PREX1: variants seen among roughly 807,000 people sequenced by gnomAD.
The protein encoded by PREX1 is phosphatidylinositol-3,4,5-trisphosphate dependent Rac exchange factor 1.
PREX1 carries 41 observed loss-of-function variants against 198.3 expected under a neutral mutation model. The observed-to-expected ratio is 0.21, with a 90% confidence interval of 0.16 to 0.27. The LOEUF (loss-of-function observed/expected upper bound fraction) is 0.27, where lower values mean the gene tolerates loss of function less well. Ranked by LOEUF, PREX1 falls within the 10% of genes least tolerant of loss-of-function variation. The probability of loss-of-function intolerance (pLI) is 1.00; values close to 1 mark genes in which losing one functional copy is unlikely to be tolerated. For synonymous variants in PREX1, 843 were observed against 887.2 expected, an observed-to-expected ratio of 0.95 and a Z score of 0.89; for missense variants, 1,620 against 2,200.7, an observed-to-expected ratio of 0.74 and a Z score of 5.28.
intron 1 of PREX1, among the ~76,000 whole-genome samples, chr20:48,754,197 T>C (rs954579446): frequency 1.3e-5 from 2 of 152,190 alleles, no homozygotes; most frequent in Admixed American, 6.5e-5. Context: ...TAGGCCTCAT[T>C]ATGTGCAGGT....
intron 1 of PREX1, among the ~76,000 whole-genome samples, chr20:48,762,004 C>A (rs2090182602): frequency 6.6e-6 from 1 of 152,166 alleles, no homozygotes; most frequent in Non-Finnish European, 1.5e-5. Context: ...CCTCAATTTC[C>A]CACCACCCAA....
At chr20:48,836,548 C>A in the PREX1 span, among the ~76,000 whole-genome samples, 1 of 152,188 alleles carries the variant, frequency 6.6e-6, no homozygotes, top group Non-Finnish European at 1.5e-5. Context: ...AGTGCAGTGG[C>A]ACAACCATGG....
chr20:48,822,762 A>G (rs981187719), intron 1 of PREX1, among the ~76,000 whole-genome samples: 44 of 152,186 alleles, frequency 2.9e-4, no homozygotes, highest in African/African-American at 1.1e-3. Context: ...GTCACCTTAT[A>G]CATATAACAC....
intron 37 of PREX1, among the ~76,000 whole-genome samples, chr20:48,629,166 T>C (rs144726731): frequency 3.2e-4 from 49 of 152,270 alleles, no homozygotes; most frequent in Non-Finnish European, 3.1e-4. Context: ...CTATTGTTAA[T>C]GTTGAAGGAG....
intron 11 of PREX1, among the ~76,000 whole-genome samples, chr20:48,680,448 A>G (rs144657765): frequency 6.6e-6 from 1 of 152,272 alleles, no homozygotes; most frequent in Non-Finnish European, 1.5e-5. Context: ...TAGCTCACTC[A>G]GAGTAAAAGC....
At position 48,639,815 on chromosome 20, in the gene PREX1, G is replaced by A. The variant is rs139328240; in HGVS notation, c.3855C>T (p.Leu1285=). The part of the protein sequence containing the change: ...QISIQEDPWN[L]PNSIKTLVDN... ...CCACCAGGGTCTTGATGGAGTTGGGGAGGTTCCAGGGGTCCTCCTGGATGC... is the reference window on the plus strand; with the variant it reads ...CCACCAGGGTCTTGATGGAGTTGGGAAGGTTCCAGGGGTCCTCCTGGATGC... The change falls in exon 30 of 40, where the codon CTC becomes CTT. Residue 1285 remains leucine, a synonymous_variant. Transcript: ENST00000371941. 7 of 1,614,032 alleles carry A rather than the reference G, an allele frequency of 4.3e-6. No homozygotes were observed. In the African/African-American group the frequency reaches 6.7e-5, roughly 15 times the overall value.
chr20:48,650,249 G>T, intron 23 of PREX1, 43 bp from the exon 24 acceptor site: 2 of 1,558,672 alleles, frequency 1.3e-6, no homozygotes, highest in South Asian at 1.1e-5. Context: ...ACAGGGCAGG[G>T]TCTGGAAATA....
chr20:48,808,965 G>T (rs1228406793), intron 1 of PREX1, among the ~76,000 whole-genome samples: 1 of 152,222 alleles, frequency 6.6e-6, no homozygotes, highest in Non-Finnish European at 1.5e-5. Context: ...GTCTTCAATA[G>T]AAGAGAAAGA....
intron 1 of PREX1, among the ~76,000 whole-genome samples, chr20:48,789,252 T>G (rs1179280583): frequency 1.3e-5 from 2 of 152,216 alleles, no homozygotes; most frequent in African/African-American, 4.8e-5. Context: ...AACTTCACAG[T>G]GCGATCTACC....
chr20:48,649,084 T>A (rs1228582435), intron 25 of PREX1, among the ~76,000 whole-genome samples: 6 of 152,170 alleles, frequency 3.9e-5, no homozygotes, highest in Non-Finnish European at 1.5e-5. Context: ...CAGGGGATAT[T>A]TAGCAATGTC....
At chr20:48,816,347 CCT>C (rs374942780) in intron 1 of PREX1, among the ~76,000 whole-genome samples, 26 of 152,280 alleles carry the variant, frequency 1.7e-4, no homozygotes, top group African/African-American at 4.3e-4. Flanking sequence ...ATCACTGCCC[CCT>C]GTGTCCACGC....
chr20:48,851,756 T>C, the PREX1 span, among the ~76,000 whole-genome samples: 6 of 152,264 alleles, frequency 3.9e-5, no homozygotes, highest in South Asian at 4.1e-4. Context: ...TCCCCCAGCA[T>C]GGGGACATTG....
the PREX1 span, among the ~76,000 whole-genome samples, chr20:48,837,262 G>C: frequency 6.6e-6 from 1 of 152,182 alleles, no homozygotes; most frequent in Non-Finnish European, 1.5e-5. Context: ...AAGCAGTGTG[G>C]CGATTCCTCA....
At chr20:48,823,018 C>A (rs1009703008) in intron 1 of PREX1, among the ~76,000 whole-genome samples, 1 of 152,114 alleles carries the variant, frequency 6.6e-6, no homozygotes, top group African/African-American at 2.4e-5. Context: ...CAACAAAAAA[C>A]CACAGTTTCT....
At chr20:48,885,546 T>A in the PREX1 span, among the ~76,000 whole-genome samples, 2 of 152,198 alleles carry the variant, frequency 1.3e-5, no homozygotes, top group South Asian at 4.1e-4. Flanking sequence ...GCAATCACAC[T>A]GTTTGGTATT....
intron 5 of PREX1, among the ~76,000 whole-genome samples, chr20:48,720,617 T>TAC (rs1446204441): frequency 2.6e-5 from 4 of 152,122 alleles, no homozygotes; most frequent in Non-Finnish European, 5.9e-5. Flanking sequence ...CCACCCATCC[T>TAC]ACATAAAGTC....
At chr20:48,753,355 C>T (rs771518427) in intron 1 of PREX1, among the ~76,000 whole-genome samples, 12 of 152,200 alleles carry the variant, frequency 7.9e-5, no homozygotes, top group Non-Finnish European at 1.8e-4. Context: ...TCTCACCTGT[C>T]GCCCTAACCT....
Position 48,741,978 on chromosome 20 carries a change from T to C in PREX1, c.414+3047A>G, listed in dbSNP as rs117105041. On this transcript the variant is annotated intron_variant, in intron 3 of 39. Transcript: ENST00000371941. ...TTTTATTCCAATGAGGCAGGAACCTTTGGAGGGTGCTGGGAGAGGGGTTGA... is the reference window on the plus strand; with the variant it reads ...TTTTATTCCAATGAGGCAGGAACCTCTGGAGGGTGCTGGGAGAGGGGTTGA... Among the ~76,000 whole-genome samples, 376 of 152,220 alleles carry C rather than the reference T, an allele frequency of 2.5e-3. 5 individuals are homozygous for C. The East Asian group carries it at 0.045, about 18-fold the overall frequency.
At chr20:48,835,620 A>C in the PREX1 span, among the ~76,000 whole-genome samples, 1 of 152,140 alleles carries the variant, frequency 6.6e-6, no homozygotes, top group African/African-American at 2.4e-5. Flanking sequence ...AAAGGCTTGG[A>C]GGTAGGAGTG....
Sources: gnomAD v4.1 joint callset for allele counts (sites outside exome capture counted in the v4.1 genomes callset) on GRCh38, gnomAD v4.1.1 for gene constraint, MANE v1.5 for transcripts, NCBI Gene and HGNC (gene_info 2026-07-23, HGNC 2026-07-21) for gene names.